Variants in HELZ observed in about 807,000 individuals in gnomAD.
The protein encoded by HELZ is helicase with zinc finger.
Under a neutral mutation model 218.2 loss-of-function variants are expected in HELZ, and 23 were observed. The ratio of observed to expected loss-of-function variants is 0.11; its 90% confidence interval spans 0.08 to 0.15. The LOEUF is 0.15. HELZ is among the 10% of genes least tolerant of loss of function. The probability of loss-of-function intolerance (pLI) is 1.00; values close to 1 mark genes in which losing one functional copy is unlikely to be tolerated. For missense variants in HELZ, 1,813 were observed against 2,353.7 expected (o/e 0.77, Z 4.75); for synonymous variants, 814 against 829.4 (o/e 0.98, Z 0.32).
intron 32 of HELZ, among the ~76,000 whole-genome samples, chr17:67,079,170 T>G (rs1014534947): frequency 3.9e-5 from 6 of 152,232 alleles, no homozygotes; most frequent in African/African-American, 1.4e-4. Flanking sequence ...CCTAACCAAT[T>G]TTATTGCTCA....
chr17:67,136,549 G>A lies in HELZ; in HGVS notation c.2954-351C>T, dbSNP rs956800901. Among the ~76,000 whole-genome samples the A allele has an allele frequency of 5.1e-4, 77 of 152,308 alleles. 1 individual carries two copies. The highest frequency in any genetic ancestry group is 1.8e-3 in the African/African-American group (75 of 41,554). ...TAGCCAAAAGGTGGAAGCAACACGA[G>A]TATCCCTGGACAGAGGAATGGATCA... is the stretch of plus-strand genomic sequence containing the variant. On this transcript the variant is annotated intron_variant, in intron 22 of 32. Transcript: ENST00000358691.
chr17:67,242,412 CAAAA>C (rs57142727), intron 2 of HELZ, among the ~76,000 whole-genome samples: 1 of 92,498 alleles, frequency 1.1e-5, no homozygotes, highest in African/African-American at 3.7e-5. Flanking sequence ...AACTCTGTCT[CAAAA>C]AAAAAAAAAA....
intron 31 of HELZ, among the ~76,000 whole-genome samples, chr17:67,104,737 T>C (rs931888511): frequency 6.6e-6 from 1 of 152,102 alleles, no homozygotes; most frequent in Non-Finnish European, 1.5e-5. Context: ...CTGAAGCATA[T>C]GAATAGACAT....
intron 17 of HELZ, among the ~76,000 whole-genome samples, chr17:67,157,180 C>G (rs2038868017): frequency 6.6e-6 from 1 of 152,166 alleles, no homozygotes; most frequent in Admixed American, 6.5e-5. Context: ...GAACCATGAG[C>G]CAATTAAACC....
rs187015527 is a variant in HELZ at position 67,091,417 on chromosome 17, A to G, written c.5242-4336T>C. Reference sequence around the variant, plus strand: ...ATTTTAGGTAGTAATTAAATATTCAATGAGGAAAAGTTCTCCTTTATAAAA... The same window carrying G: ...ATTTTAGGTAGTAATTAAATATTCAGTGAGGAAAAGTTCTCCTTTATAAAA... On this transcript the variant is annotated intron_variant, in intron 31 of 32. Transcript: ENST00000358691. Among the ~76,000 whole-genome samples the G allele has an allele frequency of 4.2e-3, 635 of 152,278 alleles. 2 individuals are homozygous for G. The highest frequency in any genetic ancestry group is 0.015 in the African/African-American group (603 of 41,578).
intron 28 of HELZ, among the ~76,000 whole-genome samples, chr17:67,110,762 T>A (rs944830487): frequency 6.6e-6 from 1 of 152,208 alleles, no homozygotes; most frequent in African/African-American, 2.4e-5. Context: ...TGCACTATAA[T>A]GATAGAGCAG....
intron 23 of HELZ, among the ~76,000 whole-genome samples, chr17:67,130,716 G>A (rs1254209989): frequency 6.6e-6 from 1 of 152,048 alleles, no homozygotes; most frequent in African/African-American, 2.4e-5. Flanking sequence ...ATATTCAACT[G>A]CATATTTATC....
chr17:67,190,175 T>A lies in HELZ; in HGVS notation c.738A>T (p.Ser246=). 6.2e-7 allele frequency: 1 copy of A among 1,613,748 alleles called. No individual in the cohort carries two copies. The highest frequency in any genetic ancestry group is 8.5e-7 in the Non-Finnish European group (1 of 1,179,664). The change falls in exon 10 of 33, where the codon TCA becomes TCT. Residue 246 remains serine (S), a synonymous_variant. Transcript: ENST00000358691. ...TCCTCACCACTTTCTCAGGAGACAA[T>A]GAATTCATCCACTTTTCTATCAAGG... The part of the protein sequence containing the change: ...METLIEKWMN[S]LSPEKVLSEC...
chr17:67,244,593 G>T (rs976731170), intron 1 of HELZ: 1 of 931,132 alleles, frequency 1.1e-6, no homozygotes, highest in African/African-American at 1.8e-5. Context: ...GGGGAAAGGG[G>T]GGAAGAAAGT....
At position 67,195,838 on chromosome 17, in the gene HELZ, CTTT is replaced by C. The variant is rs66827855; in HGVS notation, c.430-371_430-369del. On this transcript the variant is annotated intron_variant, in intron 7 of 32. Transcript: ENST00000358691. ...TGTCTGATTACAGAGGTTTCTTTTC[CTTT>C]TTTTTTTTTTCTTTTTTTTTTTTTT... Among the ~76,000 whole-genome samples the C allele has an allele frequency of 5.9e-5, 6 of 101,560 alleles. No individual in the cohort carries two copies. In the East Asian group the frequency reaches 9.8e-4, roughly 17 times the overall value. 66.6% of individuals were successfully genotyped at this position (101,560 alleles called of 152,430 possible).
intron 12 of HELZ, among the ~76,000 whole-genome samples, chr17:67,181,045 C>G (rs1018647065): frequency 6.6e-6 from 1 of 151,952 alleles, no homozygotes; most frequent in Admixed American, 6.6e-5. Context: ...GAGCCAGACT[C>G]TGTCTCAAAA....
chr17:67,133,245 T>G (rs1374221635), intron 23 of HELZ, among the ~76,000 whole-genome samples: 2 of 152,198 alleles, frequency 1.3e-5, no homozygotes, highest in Non-Finnish European at 2.9e-5. Context: ...AGCTGAGTAG[T>G]AAGAAACAGG....
At chr17:67,223,799 T>G (rs577179421) in intron 3 of HELZ, among the ~76,000 whole-genome samples, 2 of 152,136 alleles carry the variant, frequency 1.3e-5, no homozygotes, top group Non-Finnish European at 2.9e-5. Flanking sequence ...CATAAAACAC[T>G]AATTTCCTTT....
chr17:67,221,040 T>G (rs2040732019), intron 3 of HELZ, among the ~76,000 whole-genome samples: 1 of 152,164 alleles, frequency 6.6e-6, no homozygotes, highest in Non-Finnish European at 1.5e-5. Flanking sequence ...AATCAATTGT[T>G]CAATAAAAGT....
chr17:67,099,655 C>T (rs1452571568), intron 31 of HELZ, among the ~76,000 whole-genome samples: 1 of 152,078 alleles, frequency 6.6e-6, no homozygotes, highest in South Asian at 2.1e-4. Flanking sequence ...GTAAAAACTC[C>T]TAATTTGCTT....
chr17:67,100,212 A>T (rs1168088770), intron 31 of HELZ, among the ~76,000 whole-genome samples: 1 of 152,250 alleles, frequency 6.6e-6, no homozygotes, highest in African/African-American at 2.4e-5. Context: ...TTGAAATTAA[A>T]ATTATCAACT....
At position 67,123,815 on chromosome 17, in the gene HELZ, C is replaced by CTGTGGGTG. The variant is rs1555605453; in HGVS notation, c.3439+147_3439+148insCACCCACA. ...AAAAAATTGAGAGGTTCCAAAGTGA[C>CTGTGGGTG]TGTGTGTGTGTGTGTGTGTGTGTGT... On this transcript the variant is annotated intron_variant, in intron 25 of 32. Coordinates refer to ENST00000358691, the MANE Select transcript of HELZ (RefSeq NM_014877.4). 4.9e-4 allele frequency: 263 copies of CTGTGGGTG among 535,070 alleles called. 3 individuals carry two copies. Among genetic ancestry groups the CTGTGGGTG allele is most frequent in the Non-Finnish European group, 4.7e-4 (140 of 300,084 alleles). 33.1% of individuals were successfully genotyped at this position (535,070 alleles called of 1,614,324 possible).
At chr17:67,176,933 A>G (rs758963575) in intron 13 of HELZ, among the ~76,000 whole-genome samples, 2 of 151,814 alleles carry the variant, frequency 1.3e-5, no homozygotes, top group Non-Finnish European at 2.9e-5. Context: ...TGGCTTTGAA[A>G]GCCTTCGCAA....
intron 12 of HELZ, among the ~76,000 whole-genome samples, chr17:67,180,263 C>T (rs890379349): frequency 1.3e-5 from 2 of 151,926 alleles, no homozygotes; most frequent in Non-Finnish European, 2.9e-5. Context: ...GCAGGAGGAT[C>T]GCTTGAGGTC....
Sources: gnomAD v4.1 joint callset for allele counts (sites outside exome capture counted in the v4.1 genomes callset) on GRCh38, gnomAD v4.1.1 for gene constraint, MANE v1.5 for transcripts, NCBI Gene and HGNC (gene_info 2026-07-23, HGNC 2026-07-21) for gene names.